The following XCR1 variants were observed in gnomAD, a reference collection of about 807,000 sequenced individuals.
XCR1 encodes the protein chemokine XC receptor 1.
For missense variants in XCR1, 356 were observed against 424.2 expected (o/e 0.84, Z 1.41); for synonymous variants, 187 against 188.5 (o/e 0.99, Z 0.06).
At chr3:46,064,981 C>T (rs1049280551) in intron 4 of XCR1, among the ~76,000 whole-genome samples, 6 of 152,068 alleles carry the variant, frequency 3.9e-5, no homozygotes, top group African/African-American at 1.2e-4. Flanking sequence ...ATCCCAGCTA[C>T]TCGGGAGGCT....
intron 5 of XCR1, among the ~76,000 whole-genome samples, chr3:46,041,079 G>A (rs529679066): frequency 2.0e-4 from 30 of 152,164 alleles, no homozygotes; most frequent in East Asian, 1.9e-4. Context: ...ATTGAGCAGC[G>A]TATAGTTTTA....
chr3:46,021,612 G>A lies in XCR1; in HGVS notation c.336C>T (p.Ser112=). 6.2e-7 allele frequency: 1 copy of A among 1,613,386 alleles called. No individual in the cohort carries two copies. The highest frequency in any genetic ancestry group is 8.5e-7 in the Non-Finnish European group (1 of 1,179,646). ...CKLLNMIFSI[S]LYSSIFFLTI... is the part of the protein sequence containing the mutation. ...TCAGGAAGAAGATGCTGCTGTAGAG[G>A]CTGATGGAGAAGATCATATTGAGGA... Residue 112 remains serine, a synonymous_variant, in exon 2 of 2, where the codon AGC becomes AGT. Transcript: ENST00000309285. The surrounding 1 kb of genome is among the most constrained non-coding windows in gnomAD (Gnocchi z 4.7).
chr3:46,083,680 C>G (rs1698418786), intron 1 of XCR1, among the ~76,000 whole-genome samples: 1 of 152,184 alleles, frequency 6.6e-6, no homozygotes, highest in Non-Finnish European at 1.5e-5. Flanking sequence ...CAACAAAAAG[C>G]TACAGATTTA....
At chr3:46,044,603 A>C (rs1055632699) in intron 5 of XCR1, among the ~76,000 whole-genome samples, 1 of 152,220 alleles carries the variant, frequency 6.6e-6, no homozygotes, top group Non-Finnish European at 1.5e-5. Flanking sequence ...AAAATTGATT[A>C]ATCTCTAGAC....
chr3:46,050,771 T>C (rs1325093797), intron 5 of XCR1, among the ~76,000 whole-genome samples: 2 of 152,112 alleles, frequency 1.3e-5, no homozygotes, highest in Non-Finnish European at 2.9e-5. Flanking sequence ...GAGGGTATAG[T>C]AAAGAAACTA....
At position 46,024,168 on chromosome 3, in the gene XCR1, ACAGAAGAGGG is replaced by A. The variant is rs894613217; in HGVS notation, c.-31-2200_-31-2191del. 40 of 589,396 alleles carry A rather than the reference ACAGAAGAGGG, an allele frequency of 6.8e-5. No individual in the cohort carries two copies. The South Asian group carries it at 7.2e-4, about 11-fold the overall frequency. 36.5% of individuals were successfully genotyped at this position (589,396 alleles called of 1,614,324 possible). A position where few individuals can be genotyped will look rare whatever the true frequency, so the allele number is the denominator to read the frequency against. ...TTATGAATAATTAAAATGGAAGGCC[ACAGAAGAGGG>A]GAGAAGAGGAAATAATACAGTAATA... On this transcript the variant is annotated intron_variant, in intron 1 of 1. Transcript: ENST00000309285.
intron 1 of XCR1, among the ~76,000 whole-genome samples, chr3:46,079,095 T>TA (rs1276803752): frequency 6.6e-6 from 1 of 152,224 alleles, no homozygotes; most frequent in Admixed American, 6.5e-5. Context: ...AAACACATCC[T>TA]GGGCCTTGGT....
chr3:46,060,007 A>G (rs1408892759), intron 4 of XCR1, among the ~76,000 whole-genome samples: 4 of 152,270 alleles, frequency 2.6e-5, no homozygotes, highest in African/African-American at 9.6e-5. Flanking sequence ...AATCACTGTT[A>G]ATACATCTTA....
chr3:46,061,850 T>C (rs1021668043), intron 4 of XCR1, among the ~76,000 whole-genome samples: 1 of 152,076 alleles, frequency 6.6e-6, no homozygotes, highest in African/African-American at 2.4e-5. Context: ...CAGGTGAGTG[T>C]AAAGCATTGG....
Position 46,021,125 on chromosome 3 carries a change from G to T in XCR1, c.823C>A (p.Leu275Ile). Reference sequence around the variant, plus strand: ...TTAAAGCAGCAGTGGGAGAAGGCGAGGTTGCGGCAGATGAGCAGGGCGTAT... The same window carrying T: ...TTAAAGCAGCAGTGGGAGAAGGCGATGTTGCGGCAGATGAGCAGGGCGTAT... ...LEYALLICRN[L>I]AFSHCCFNPV... Residue 275 changes from leucine to isoleucine, a missense_variant, in exon 2 of 2, where the codon CTC (leucine) becomes ATC (isoleucine). Physicochemically the swap from Leu to Ile is conservative, Grantham distance 5 (BLOSUM62 2). Transcript: ENST00000309285. This position sits in a 1 kb window ranked among gnomAD's most constrained non-coding sequence, Gnocchi z 4.7. 1 of 1,614,256 alleles carries T rather than the reference G, an allele frequency of 6.2e-7. No individual in the cohort carries two copies. Among genetic ancestry groups the T allele is most frequent in the Non-Finnish European group, 8.5e-7 (1 of 1,180,040 alleles).
At chr3:46,045,965 T>A (rs1697617307) in intron 5 of XCR1, among the ~76,000 whole-genome samples, 1 of 152,226 alleles carries the variant, frequency 6.6e-6, no homozygotes, top group Non-Finnish European at 1.5e-5. Context: ...GGAATCAATC[T>A]AAGTGTCCAT....
chr3:46,034,567 C>T (rs1190672103), intron 5 of XCR1, among the ~76,000 whole-genome samples: 1 of 152,050 alleles, frequency 6.6e-6, no homozygotes, highest in African/African-American at 2.4e-5. Flanking sequence ...GTTTCTTACC[C>T]TTAAGAATGT....
At chr3:46,058,643 G>A (rs1559490629) in intron 4 of XCR1, among the ~76,000 whole-genome samples, 1 of 152,164 alleles carries the variant, frequency 6.6e-6, no homozygotes, top group South Asian at 2.1e-4. Context: ...TACCTCCTGG[G>A]CTCAAGCGAT....
intron 4 of XCR1, among the ~76,000 whole-genome samples, chr3:46,058,263 G>C (rs1420633328): frequency 6.6e-6 from 1 of 152,178 alleles, no homozygotes; most frequent in Non-Finnish European, 1.5e-5. Context: ...TGGTGATCAT[G>C]TATTTGATAC....
intron 4 of XCR1, among the ~76,000 whole-genome samples, chr3:46,057,882 GTCTATCTATCTA>G (rs147836844): frequency 0.026 from 3,469 of 134,816 alleles, 53 homozygotes; most frequent in South Asian, 0.046. Flanking sequence ...TTATCTGTCT[GTCTATCTATCTA>G]TCTATCTATC....
At chr3:46,024,244 A>C in intron 1 of XCR1, 3 of 325,008 alleles carry the variant, frequency 9.2e-6, no homozygotes, top group East Asian at 1.1e-4. Context: ...AAAAGGGAAA[A>C]CCACGTAGAA....
chr3:46,065,520 G>C (rs1377340168), intron 4 of XCR1, among the ~76,000 whole-genome samples: 2 of 152,208 alleles, frequency 1.3e-5, no homozygotes, highest in Non-Finnish European at 2.9e-5. Flanking sequence ...ATACTCCCTT[G>C]ATGTCGGGTG....
intron 5 of XCR1, among the ~76,000 whole-genome samples, chr3:46,033,759 G>C (rs1028113616): frequency 6.6e-6 from 1 of 152,104 alleles, no homozygotes; most frequent in Non-Finnish European, 1.5e-5. Flanking sequence ...GTTAAGAATT[G>C]CCATCTTGAC....
At chr3:46,077,673 A>C (rs974906775) in intron 1 of XCR1, among the ~76,000 whole-genome samples, 1 of 152,100 alleles carries the variant, frequency 6.6e-6, no homozygotes, top group Admixed American at 6.5e-5. Context: ...CAACAACATA[A>C]AGCCAATCAC....
Sources: allele counts gnomAD v4.1 joint callset (sites outside exome capture counted in the v4.1 genomes callset), GRCh38; gene constraint gnomAD v4.1.1; non-coding constraint Gnocchi (gnomAD v3.1); transcripts MANE v1.5; gene names NCBI Gene and HGNC (gene_info 2026-07-23, HGNC 2026-07-21).